ZNF69: variants seen among roughly 807,000 people sequenced by gnomAD.
ZNF69 encodes the protein ZNF3.
In ZNF69, 47 loss-of-function variants were observed where a neutral mutation model predicts 50.9. The ratio of observed to expected loss-of-function variants is 0.92; its 90% CI spans 0.73 to 1.18. The LOEUF (loss-of-function observed/expected upper bound fraction) is 1.18. Among genes scored for constraint, ZNF69 ranks in the 50% most tolerant of loss-of-function variants. The pLI is 0.00. For missense variants in ZNF69, 717 were observed against 675.1 expected, an observed-to-expected ratio of 1.06 and a Z score of -0.69; for synonymous variants, 216 against 223.1, an observed-to-expected ratio of 0.97 and a Z score of 0.29.
the ZNF69 span, among the ~76,000 whole-genome samples, chr19:11,968,488 T>C: frequency 6.6e-6 from 1 of 152,160 alleles, no homozygotes; most frequent in Non-Finnish European, 1.5e-5. Context: ...ACAGTCCTCC[T>C]TCCTTGGCCT....
At chr19:11,955,743 C>A in the ZNF69 span, among the ~76,000 whole-genome samples, 1 of 152,118 alleles carries the variant, frequency 6.6e-6, no homozygotes, top group Admixed American at 6.6e-5. Context: ...TACAAAGATT[C>A]GGAAAAATAT....
chr19:11,940,547 G>A, the ZNF69 span, among the ~76,000 whole-genome samples: 1,746 of 151,548 alleles, frequency 0.012, 25 homozygotes, highest in Non-Finnish European at 0.014. Context: ...GGCTTCAGGA[G>A]TGAAGCTGCA....
the ZNF69 span, chr19:11,947,330 C>T: frequency 9.3e-6 from 15 of 1,612,934 alleles, no homozygotes; most frequent in Admixed American, 5.0e-5. Flanking sequence ...ATATTCCTTC[C>T]GTCAGTGCAT....
the ZNF69 span, chr19:11,978,483 A>G: frequency 6.2e-7 from 1 of 1,614,236 alleles, no homozygotes. Flanking sequence ...CCATTCAGGC[A>G]TTCGAAGACG....
chr19:11,928,680 C>T, the ZNF69 span, among the ~76,000 whole-genome samples: 52 of 140,372 alleles, frequency 3.7e-4, 1 homozygote, highest in Admixed American at 3.0e-3. Context: ...TGCAGTGAGC[C>T]GAGATCCCGC....
At chr19:11,909,343 ACCAAAG>A (rs1460081292), downstream of ZNF69, among the ~76,000 whole-genome samples, 3 of 152,190 alleles carry the variant, frequency 2.0e-5, no homozygotes, top group Admixed American at 1.3e-4. Context: ...ACATCCTGAT[ACCAAAG>A]CCTGGCAGAG....
the ZNF69 span, chr19:11,965,300 G>A: frequency 6.3e-7 from 1 of 1,576,484 alleles, no homozygotes; most frequent in Non-Finnish European, 8.7e-7. Context: ...GGGCCTCCCT[G>A]CGGGCGACTC....
the ZNF69 span, among the ~76,000 whole-genome samples, chr19:11,964,609 G>C: frequency 1.3e-5 from 2 of 152,192 alleles, no homozygotes; most frequent in East Asian, 3.9e-4. Flanking sequence ...TCCCAATTCC[G>C]GCCCGCTCAA....
In ZNF69 at chr19:11,905,350, ATGTTCGTATAC is replaced by A; in HGVS notation, c.954_964del (p.Tyr318Ter). On this transcript the variant is annotated stop_gained and frameshift_variant, in exon 4 of 4. Coordinates refer to ENST00000429654, the MANE Select transcript of ZNF69 (RefSeq NM_001364730.1). LOFTEE classifies it high-confidence loss of function. ...GGAAAAGCATTCACGTGTCCCCAGT[ATGTTCGTATAC>A]ATGAAAGGACCCACTCTAGGAAAAA... is the stretch of plus-strand genomic sequence containing the variant. 3.7e-6 allele frequency: 6 copies of A among 1,614,142 alleles called. No individual in the cohort carries two copies.
At chr19:11,939,560 G>C in the ZNF69 span, among the ~76,000 whole-genome samples, 23 of 152,168 alleles carry the variant, frequency 1.5e-4, no homozygotes, top group Middle Eastern at 3.4e-3. Flanking sequence ...ATTTCTGAGG[G>C]CTCTGTTCTG....
At chr19:11,890,027 CT>C (rs1170814873) in intron 1 of ZNF69, among the ~76,000 whole-genome samples, 2 of 152,336 alleles carry the variant, frequency 1.3e-5, no homozygotes, top group South Asian at 2.1e-4. Context: ...CATATCTTGC[CT>C]CCCACAGGGC....
At chr19:11,925,216 C>T in the ZNF69 span, 1 of 1,612,720 alleles carries the variant, frequency 6.2e-7, no homozygotes, top group African/African-American at 1.3e-5. Flanking sequence ...GCGCTATGCC[C>T]TGCTGTAGTC....
chr19:11,910,701 C>A (rs564976359), downstream of ZNF69, among the ~76,000 whole-genome samples: 3 of 152,270 alleles, frequency 2.0e-5, no homozygotes, highest in Admixed American at 2.0e-4. Context: ...AAATGTTAGA[C>A]CTAAAACCAT....
chr19:11,917,735 C>G (rs1288775140), downstream of ZNF69, among the ~76,000 whole-genome samples: 1 of 151,738 alleles, frequency 6.6e-6, no homozygotes, highest in Non-Finnish European at 1.5e-5. Flanking sequence ...CCCAGATTCT[C>G]CTGGCTCAGC....
chr19:11,975,625 G>A, the ZNF69 span, among the ~76,000 whole-genome samples: 18 of 147,650 alleles, frequency 1.2e-4, no homozygotes, highest in Admixed American at 5.4e-4. Context: ...CTCGTGATCC[G>A]CCCGCCTCGG....
At chr19:11,977,335 T>C in the ZNF69 span, 5 of 1,610,274 alleles carry the variant, frequency 3.1e-6, no homozygotes, top group Non-Finnish European at 4.2e-6. Flanking sequence ...CAGTTTTATA[T>C]TGCTTCAGGA....
chr19:11,929,945 G>A, the ZNF69 span, among the ~76,000 whole-genome samples: 1 of 148,192 alleles, frequency 6.7e-6, no homozygotes, highest in Admixed American at 6.6e-5. Context: ...TGGAAACTTT[G>A]CAGGGTGATA....
At chr19:11,925,417 C>T in the ZNF69 span, 1 of 1,345,202 alleles carries the variant, frequency 7.4e-7, no homozygotes, top group Non-Finnish European at 9.9e-7. Flanking sequence ...GGCCCTCGGT[C>T]CCCTTGGCCG....
the ZNF69 span, among the ~76,000 whole-genome samples, chr19:11,943,396 A>G: frequency 6.6e-6 from 1 of 152,230 alleles, no homozygotes; most frequent in African/African-American, 2.4e-5. Flanking sequence ...TTACCGGGCT[A>G]AAACAGTTAA....
Sources: allele counts gnomAD v4.1 joint callset (sites outside exome capture counted in the v4.1 genomes callset), GRCh38; gene constraint gnomAD v4.1.1; transcripts MANE v1.5; gene names NCBI Gene and HGNC (gene_info 2026-07-23, HGNC 2026-07-21).